NHS: variants seen among roughly 807,000 people sequenced by gnomAD.
The protein encoded by NHS is NHS actin remodeling regulator.
Under a neutral mutation model 72.5 loss-of-function variants are expected in NHS, and 5 were observed. The observed-to-expected ratio is 0.07, with a 90% CI of 0.04 to 0.14. The LOEUF is 0.14. Ranked by LOEUF, NHS falls within the 10% of genes least tolerant of loss-of-function variation. The pLI is 1.00. For synonymous variants in NHS, 464 were observed against 547.7 expected, an observed-to-expected ratio of 0.85 and a Z score of 2.13; for missense variants, 1,072 against 1,355.7, an observed-to-expected ratio of 0.79 and a Z score of 3.29.
chrX:17,653,927 G>GCTGC (rs745344880), intron 1 of NHS, among the ~76,000 whole-genome samples: 224 of 111,351 alleles, frequency 2.0e-3, no homozygotes, highest in African/African-American at 6.8e-3. Context: ...ACCCCCAGGG[G>GCTGC]CTGCCGGTCC....
chrX:17,732,773 GT>G lies in NHS; in HGVS notation c.*313del, dbSNP rs2066497991. The G allele has an allele frequency of 3.6e-6, 1 of 279,390 alleles. No individual in the cohort carries two copies. Among genetic ancestry groups the G allele is most frequent in the Admixed American group, 5.3e-5 (1 of 19,030 alleles). The allele number at this position is 279,390 out of a possible 1,213,427, so 23.0% of individuals were successfully genotyped here. A position where few individuals can be genotyped will look rare whatever the true frequency, so the allele number is the denominator to read the frequency against. ...CTAATTTTCATGACACCTAGAAAAC[GT>G]TTTCCCAGAGCTGCCTATTCAGAAA... On this transcript the variant is annotated 3_prime_UTR_variant, in exon 9 of 9. Coordinates refer to ENST00000676302, the MANE Select transcript of NHS (RefSeq NM_001291867.2).
intron 1 of NHS, among the ~76,000 whole-genome samples, chrX:17,678,440 T>G (rs774624834): frequency 3.1e-4 from 35 of 111,841 alleles, no homozygotes; most frequent in African/African-American, 1.0e-3. Flanking sequence ...GCAGCATCTG[T>G]TCCTGGGGAG....
At chrX:17,603,524 G>T (rs2065662934) in intron 1 of NHS, among the ~76,000 whole-genome samples, 3 of 111,762 alleles carry the variant, frequency 2.7e-5, no homozygotes, top group Non-Finnish European at 5.6e-5. Context: ...TAGAACAAAA[G>T]GAATTTGCTT....
At chrX:17,518,461 C>T (rs952063277) in intron 1 of NHS, among the ~76,000 whole-genome samples, 8 of 111,850 alleles carry the variant, frequency 7.2e-5, no homozygotes, top group African/African-American at 2.3e-4. Context: ...CATGGCCTGC[C>T]TCTCCCCGCC....
chrX:17,731,715 A>G, intron 8 of NHS, 143 bp from the exon 9 acceptor site: 2 of 747,453 alleles, frequency 2.7e-6, no homozygotes, highest in Non-Finnish European at 3.9e-6. Context: ...TTTCATCTCT[A>G]TAGCCCTAAT....
In NHS at chrX:17,602,138, A is replaced by G. The variant is rs141523680; in HGVS notation, c.566-85604A>G. On this transcript the variant is annotated intron_variant, in intron 1 of 8. Transcript: ENST00000676302. ...CTAAATAATGCAAGCTAGGATTCCT[A>G]AGGAATAGGATTGGTGAGATCAGGC... Among the ~76,000 whole-genome samples the G allele has an allele frequency of 2.4e-3, 272 of 111,697 alleles. 6 individuals are homozygous for G. Among genetic ancestry groups the G allele is most frequent in the Admixed American group, 0.023 (244 of 10,510 alleles).
chrX:17,624,021 G>A (rs1484199585), intron 1 of NHS, among the ~76,000 whole-genome samples: 3 of 113,134 alleles, frequency 2.7e-5, no homozygotes, highest in African/African-American at 3.2e-5. Context: ...CAGCTTCAAC[G>A]TGTGACAGAG....
At chrX:17,614,855 C>T (rs1021862091) in intron 1 of NHS, among the ~76,000 whole-genome samples, 2 of 109,780 alleles carry the variant, frequency 1.8e-5, no homozygotes, top group Non-Finnish European at 3.8e-5. Context: ...AGGCTTTCTT[C>T]CAAAGAGTTT....
At chrX:17,701,429 T>G (rs1305511876) in intron 3 of NHS, among the ~76,000 whole-genome samples, 1 of 111,792 alleles carries the variant, frequency 8.9e-6, no homozygotes, top group African/African-American at 3.3e-5. Context: ...CAAAAATTTC[T>G]TCCAATGACA....
chrX:17,650,494 C>G (rs1044669030), intron 1 of NHS, among the ~76,000 whole-genome samples: 4 of 112,160 alleles, frequency 3.6e-5, no homozygotes, highest in Middle Eastern at 4.2e-3. Flanking sequence ...ATCAGACTGT[C>G]AAAGTATTTG....
chrX:17,624,696 C>T (rs979715619), intron 1 of NHS, among the ~76,000 whole-genome samples: 2 of 113,381 alleles, frequency 1.8e-5, no homozygotes, highest in Admixed American at 1.9e-4. Context: ...ATTCTACTAT[C>T]AATTAGCATT....
intron 1 of NHS, among the ~76,000 whole-genome samples, chrX:17,410,178 C>A (rs991574050): frequency 9.0e-6 from 1 of 110,889 alleles, no homozygotes; most frequent in Non-Finnish European, 1.9e-5. Flanking sequence ...TGAAAACCCC[C>A]AAACATGCCA....
At chrX:17,730,946 G>A (rs771689694) in intron 8 of NHS, among the ~76,000 whole-genome samples, 2 of 110,885 alleles carry the variant, frequency 1.8e-5, no homozygotes, top group South Asian at 3.9e-4. Flanking sequence ...GACTTAAAAC[G>A]TCATTTAATT....
At chrX:17,446,180 G>A (rs1334033882) in intron 1 of NHS, among the ~76,000 whole-genome samples, 1 of 110,246 alleles carries the variant, frequency 9.1e-6, no homozygotes, top group Non-Finnish European at 1.9e-5. Flanking sequence ...CCCCAATCCT[G>A]CTCAAAGCAG....
chrX:17,487,501 C>T (rs1445162898), intron 1 of NHS, among the ~76,000 whole-genome samples: 1 of 111,741 alleles, frequency 8.9e-6, no homozygotes. Context: ...CTAGTTCTCA[C>T]GGTCTCCAAG....
chrX:17,539,654 C>T (rs771761310), intron 1 of NHS, among the ~76,000 whole-genome samples: 36 of 111,414 alleles, frequency 3.2e-4, no homozygotes, highest in Non-Finnish European at 1.1e-4. Context: ...GTGCAGTAGA[C>T]AGAACAGAGG....
chrX:17,389,421 C>T (rs1456464875), intron 1 of NHS, among the ~76,000 whole-genome samples: 2 of 110,836 alleles, frequency 1.8e-5, no homozygotes, highest in African/African-American at 6.6e-5. Context: ...ATAAGATATC[C>T]AAGACAAATT....
Position 17,732,440 on chromosome X carries a change from C to T in NHS, c.4932C>T (p.Asp1644=), listed in dbSNP as rs1297996045. The T allele has an allele frequency of 6.6e-6, 8 of 1,211,351 alleles. No individual in the cohort carries two copies. Among genetic ancestry groups the T allele is most frequent in the Middle Eastern group, 2.3e-4 (1 of 4,370 alleles). The stretch of plus-strand genomic sequence containing the variant: ...ATTCTGACGGGAGCCCACATGACGA[C>T]CGTTCCTCCCAGAGTTCAACATAGA... ...TENSDGSPHD[D]RSSQSST is the part of the protein sequence containing the mutation. The change falls in exon 9 of 9, where the codon GAC becomes GAT. Residue 1644 remains aspartate (D), a synonymous_variant. Transcript: ENST00000676302.
intron 1 of NHS, among the ~76,000 whole-genome samples, chrX:17,659,689 ATCT>A (rs1261838399): frequency 8.9e-6 from 1 of 112,271 alleles, no homozygotes; most frequent in African/African-American, 3.2e-5. Context: ...TCCAAGTATG[ATCT>A]TCTTCTGGTT....
Sources: gnomAD v4.1 joint callset for allele counts (sites outside exome capture counted in the v4.1 genomes callset) on GRCh38, gnomAD v4.1.1 for gene constraint, MANE v1.5 for transcripts, NCBI Gene and HGNC (gene_info 2026-07-23, HGNC 2026-07-21) for gene names.